Variants in HEYL observed in about 807,000 individuals in gnomAD.
HEYL encodes the protein hes related family bHLH transcription factor with YRPW motif like, also known as hairy/enhancer-of-split related with YRPW motif-like protein.
In HEYL, 12 loss-of-function variants were observed where a neutral mutation model predicts 18.6. That is an observed-to-expected ratio of 0.65 (90% confidence interval 0.41 to 1.05). The LOEUF (loss-of-function observed/expected upper bound fraction) is 1.05. Ranked by LOEUF, HEYL falls within the 50% of genes least tolerant of loss-of-function variation. The pLI is 0.00. For synonymous variants in HEYL, 159 were observed against 179.6 expected (o/e 0.89, Z 0.91); for missense variants, 420 against 444.7 (o/e 0.94, Z 0.50).
intron 1 of HEYL, among the ~76,000 whole-genome samples, chr1:39,638,191 G>A (rs749925558): frequency 2.6e-5 from 4 of 152,238 alleles, no homozygotes; most frequent in Non-Finnish European, 4.4e-5. Flanking sequence ...GCTGCAAGAG[G>A]AATATCTATT....
At chr1:39,629,057 T>A (rs1428381776) in intron 4 of HEYL, among the ~76,000 whole-genome samples, 1 of 152,214 alleles carries the variant, frequency 6.6e-6, no homozygotes, top group Non-Finnish European at 1.5e-5. Context: ...ATACGGCTAG[T>A]AACCAGTAGA....
chr1:39,630,168 G>C (rs1646324797), intron 4 of HEYL, 59 bp downstream of exon 4: 1 of 1,473,266 alleles, frequency 6.8e-7, no homozygotes, highest in Middle Eastern at 1.7e-4. Flanking sequence ...ATATCCCCAG[G>C]GCCCAGCCTC....
At chr1:39,637,971 A>G (rs547434360) in intron 1 of HEYL, among the ~76,000 whole-genome samples, 1 of 152,280 alleles carries the variant, frequency 6.6e-6, no homozygotes, top group African/African-American at 2.4e-5. Context: ...TCTGGCATCA[A>G]TTTTGTGCCT....
At chr1:39,634,267 G>A (rs1403197623) in intron 1 of HEYL, among the ~76,000 whole-genome samples, 3 of 152,126 alleles carry the variant, frequency 2.0e-5, no homozygotes, top group East Asian at 1.9e-4. Context: ...GCTAATTTTT[G>A]TATTTTTAGT....
At position 39,624,841 on chromosome 1, in the gene HEYL, G is replaced by A. The variant is rs1646287356; in HGVS notation, c.*1666C>T. The A allele has an allele frequency of 6.6e-6, 1 of 152,184 alleles. No homozygotes were observed. Among genetic ancestry groups the A allele is most frequent in the African/African-American group, 2.4e-5 (1 of 41,436 alleles). The allele number at this position is 152,184 out of a possible 1,614,324, so 9.4% of individuals were successfully genotyped here. ...GCTTTCCTCTTTATCTCTCCTTGAG[G>A]AGTCTGTCTTTTCAAAAGAGCTTTC... On this transcript the variant is annotated 3_prime_UTR_variant, in exon 5 of 5. Coordinates refer to ENST00000372852, the MANE Select transcript of HEYL (RefSeq NM_014571.4).
At position 39,626,333 on chromosome 1, in the gene HEYL, A is replaced by C; in HGVS notation, c.*174T>G. The C allele has an allele frequency of 1.7e-6, 1 of 604,064 alleles. No individual in the cohort carries two copies. Among genetic ancestry groups the C allele is most frequent in the Non-Finnish European group, 2.8e-6 (1 of 353,768 alleles). The allele number at this position is 604,064 out of a possible 1,614,324, so 37.4% of individuals were successfully genotyped here. On this transcript the variant is annotated 3_prime_UTR_variant, in exon 5 of 5. Transcript: ENST00000372852. ...AGGAGAGCTGGGTGGATAAGCTGGG[A>C]TAACAGTGAGAAGGAGAGATGGGTT... is the stretch of plus-strand genomic sequence containing the variant.
chr1:39,632,715 G>A lies in HEYL; in HGVS notation c.81C>T (p.Ser27=). 1.9e-6 allele frequency: 3 copies of A among 1,613,988 alleles called. No individual in the cohort carries two copies. Among genetic ancestry groups the A allele is most frequent in the Admixed American group, 3.3e-5 (2 of 60,010 alleles). ...PIDVGQEGQL[S]QMARPLSTPS... Reference sequence around the variant, plus strand: ...GGGTGGACAGCGGCCTGGCCATCTGGCTGGAAAGGAAAAGAAAAGCTGATT... The same window carrying A: ...GGGTGGACAGCGGCCTGGCCATCTGACTGGAAAGGAAAAGAAAAGCTGATT... Residue 27 remains serine, a splice_region_variant and synonymous_variant, in exon 2 of 5, where the codon AGC becomes AGT. Coordinates refer to ENST00000372852, the MANE Select transcript of HEYL (RefSeq NM_014571.4).
intron 1 of HEYL, among the ~76,000 whole-genome samples, chr1:39,634,659 C>T (rs751328247): frequency 4.6e-5 from 7 of 152,220 alleles, no homozygotes. Context: ...CCTTTTCTAA[C>T]ATTCCTCCTC....
intron 1 of HEYL, among the ~76,000 whole-genome samples, chr1:39,638,760 A>G (rs571717496): frequency 2.0e-5 from 3 of 152,340 alleles, no homozygotes; most frequent in African/African-American, 7.2e-5. Flanking sequence ...AGCCCTTGAC[A>G]TACTTTGCCT....
rs1375442317 is a variant in HEYL, at chr1:39,628,845, G to A, written c.313+1382C>T. 1.4e-4 allele frequency among the ~76,000 whole-genome samples: 21 copies of A among 152,064 alleles called. 1 individual carries two copies. Among genetic ancestry groups the A allele is most frequent in the Admixed American group, 3.9e-4 (6 of 15,266 alleles). ...TCTCGATCTCCTGACCTTGTGATCC[G>A]CCTGTTTCGGCCTCCTAAAGTGCTG... On this transcript the variant is annotated intron_variant, in intron 4 of 4. Transcript: ENST00000372852.
intron 2 of HEYL, among the ~76,000 whole-genome samples, chr1:39,631,783 G>A (rs1646334813): frequency 1.3e-5 from 2 of 152,244 alleles, no homozygotes; most frequent in African/African-American, 4.8e-5. Context: ...AGAGCTGGGA[G>A]TACAACTCAG....
In HEYL at chr1:39,624,344, G is replaced by C. The variant is rs1216081596; in HGVS notation, c.*2163C>G. On this transcript the variant is annotated 3_prime_UTR_variant, in exon 5 of 5. Transcript: ENST00000372852. The stretch of plus-strand genomic sequence containing the variant: ...CAATGAAAGCAAGTTCAACCAAGAT[G>C]CTGAAAGAGCTGGATCATTCCCATC... The C allele has an allele frequency of 6.6e-6, 1 of 152,212 alleles. No homozygotes were observed. The highest frequency in any genetic ancestry group is 1.5e-5 in the Non-Finnish European group (1 of 68,052). The allele number at this position is 152,212 out of a possible 1,614,324, so 9.4% of individuals were successfully genotyped here.
At position 39,631,510 on chromosome 1, in the gene HEYL, C is replaced by G; in HGVS notation, c.217G>C (p.Ala73Pro). Reference sequence around the variant, plus strand: ...ATGTCACATACCTGTTTCTCAAAGGCAGTGGGGACCAAGCGTCGCAATTCA... The same window carrying G: ...ATGTCACATACCTGTTTCTCAAAGGGAGTGGGGACCAAGCGTCGCAATTCA... ...LSELRRLVPTAFEKQGSSKLE... is the reference protein window; with the variant it reads ...LSELRRLVPTPFEKQGSSKLE... The change falls in exon 3 of 5, where the codon GCC becomes CCC. Residue 73 changes from alanine to proline, a missense_variant. By Grantham distance (27) the Ala-to-Pro change is conservative (BLOSUM62 -1). Coordinates refer to ENST00000372852, the MANE Select transcript of HEYL (RefSeq NM_014571.4). 1 of 1,614,114 alleles carries G rather than the reference C, an allele frequency of 6.2e-7. No homozygotes were observed. Among genetic ancestry groups the G allele is most frequent in the South Asian group, 1.1e-5 (1 of 91,076 alleles).
In HEYL at chr1:39,626,336, A is replaced by C. The variant is rs1646296635; in HGVS notation, c.*171T>G. 1 of 607,682 alleles carries C rather than the reference A, an allele frequency of 1.6e-6. No homozygotes were observed. Among genetic ancestry groups the C allele is most frequent in the African/African-American group, 1.9e-5 (1 of 53,172 alleles). The allele number at this position is 607,682 out of a possible 1,614,324, so 37.6% of individuals were successfully genotyped here. ...AGAGCTGGGTGGATAAGCTGGGATAACAGTGAGAAGGAGAGATGGGTTGGA... is the reference window on the plus strand; with the variant it reads ...AGAGCTGGGTGGATAAGCTGGGATACCAGTGAGAAGGAGAGATGGGTTGGA... On this transcript the variant is annotated 3_prime_UTR_variant, in exon 5 of 5. Coordinates refer to ENST00000372852, the MANE Select transcript of HEYL (RefSeq NM_014571.4).
chr1:39,630,382 G>A (rs941569373), intron 3 of HEYL, 74 bp from the exon 4 acceptor site: 56 of 1,163,826 alleles, frequency 4.8e-5, no homozygotes, highest in Non-Finnish European at 6.0e-5. Context: ...AGCACTCACT[G>A]TCTCGATTTT....
At position 39,639,412 on chromosome 1, in the gene HEYL, C is replaced by T. The variant is rs1570446408; in HGVS notation, c.80+134G>A. On this transcript the variant is annotated intron_variant, in intron 1 of 4. Coordinates refer to ENST00000372852, the MANE Select transcript of HEYL (RefSeq NM_014571.4). ...CCCGCACACGCCCCCTACGCCGACA[C>T]CTGTGGCCCCCGCGCTCACCTGCCT... 4.8e-6 allele frequency: 3 copies of T among 622,184 alleles called. No individual in the cohort carries two copies. In the African/African-American group the frequency reaches 5.9e-5, roughly 12 times the overall value. The allele number at this position is 622,184 out of a possible 1,614,324, so 38.5% of individuals were successfully genotyped here.
chr1:39,639,391 C>G (rs1646375715), intron 1 of HEYL, among the ~76,000 whole-genome samples, 155 bp downstream of exon 1: 3 of 152,204 alleles, frequency 2.0e-5, no homozygotes, highest in African/African-American at 7.2e-5. Context: ...GCACGGCCCG[C>G]ACACGCCCCC....
chr1:39,629,152 AC>A (rs1298772195), intron 4 of HEYL, among the ~76,000 whole-genome samples: 1 of 152,212 alleles, frequency 6.6e-6, no homozygotes, highest in African/African-American at 2.4e-5. Flanking sequence ...GGTAACACTA[AC>A]CCCCATCTTG....
chr1:39,633,032 G>A, intron 1 of HEYL: 1 of 966,806 alleles, frequency 1.0e-6, no homozygotes, highest in Non-Finnish European at 1.2e-6. Flanking sequence ...CGGGGGCGGG[G>A]CGGGCGAGGG....
Sources: gnomAD v4.1 joint callset for allele counts (sites outside exome capture counted in the v4.1 genomes callset) on GRCh38, gnomAD v4.1.1 for gene constraint, MANE v1.5 for transcripts, NCBI Gene and HGNC (gene_info 2026-07-23, HGNC 2026-07-21) for gene names.